The following ATRNL1 variants were observed in gnomAD, a reference collection of about 807,000 sequenced individuals.
ATRNL1 encodes attractin-like protein 1.
In ATRNL1, 95 loss-of-function variants were observed where a neutral mutation model predicts 182.7. The ratio of observed to expected loss-of-function variants is 0.52; its 90% CI spans 0.44 to 0.62. The LOEUF is 0.62. ATRNL1 is among the 20% of genes least tolerant of loss of function. The pLI, the probability that ATRNL1 is intolerant of heterozygous loss-of-function variation, is 0.00. For missense variants in ATRNL1, 1,471 were observed against 1,679.5 expected (o/e 0.88, Z 2.17); for synonymous variants, 576 against 568.3 (o/e 1.01, Z -0.19).
chr10:115,165,100 T>A (rs1846976773), intron 6 of ATRNL1, among the ~76,000 whole-genome samples: 1 of 151,588 alleles, frequency 6.6e-6, no homozygotes, highest in Non-Finnish European at 1.5e-5. Flanking sequence ...TATGTACAAC[T>A]TAAATATCAA....
chr10:115,122,494 TACTC>T (rs1554871985), intron 3 of ATRNL1, among the ~76,000 whole-genome samples: 1 of 151,994 alleles, frequency 6.6e-6, no homozygotes, highest in Non-Finnish European at 1.5e-5. Context: ...GTTGATAAGT[TACTC>T]ATTATATTAT....
intron 23 of ATRNL1, among the ~76,000 whole-genome samples, chr10:115,468,031 A>G (rs1335309270): frequency 6.6e-6 from 1 of 150,780 alleles, no homozygotes; most frequent in Non-Finnish European, 1.5e-5. Context: ...TATGTAGAAT[A>G]TTATGGATAC....
rs374199494 is a variant in ATRNL1 at position 115,473,171 on chromosome 10, A to G, written c.3654+3842A>G. 4.6e-5 allele frequency among the ~76,000 whole-genome samples: 7 copies of G among 151,392 alleles called. No homozygotes were observed. The East Asian group carries it at 1.4e-3, about 30-fold the overall frequency. ...TTGATTCATGTATGTTGAACCATCC[A>G]TGCATTCCTGGGATAAATCCCACTT... is the stretch of plus-strand genomic sequence containing the variant. On this transcript the variant is annotated intron_variant, in intron 24 of 28. Transcript: ENST00000355044.
chr10:115,863,235 C>T (rs1239778212), intron 28 of ATRNL1, among the ~76,000 whole-genome samples: 6 of 152,094 alleles, frequency 3.9e-5, no homozygotes, highest in South Asian at 2.1e-4. Flanking sequence ...AAATGAAATA[C>T]GAACTGTAAA....
chr10:115,137,851 C>G (rs1438536719), intron 5 of ATRNL1, among the ~76,000 whole-genome samples: 2 of 152,202 alleles, frequency 1.3e-5, no homozygotes, highest in Non-Finnish European at 2.9e-5. Context: ...GAAGTCATAA[C>G]TCATTTCAGC....
intron 1 of ATRNL1, among the ~76,000 whole-genome samples, chr10:115,107,068 C>T (rs1313516505): frequency 6.6e-6 from 1 of 152,158 alleles, no homozygotes; most frequent in Non-Finnish European, 1.5e-5. Flanking sequence ...CCTGAGGTAA[C>T]AGCGTTAATG....
In ATRNL1 at chr10:115,758,231, G is replaced by A. The variant is rs372580616; in HGVS notation, c.3903+30876G>A. Among the ~76,000 whole-genome samples the A allele has an allele frequency of 2.1e-4, 32 of 152,172 alleles. No individual in the cohort carries two copies. The South Asian group carries it at 6.4e-3, about 31-fold the overall frequency. Reference sequence around the variant, plus strand: ...GGCGAGAAGTTGTGATCCTTTGGAGGAGGAGAGGCCTTTTGGTTTTTGGAA... The same window carrying A: ...GGCGAGAAGTTGTGATCCTTTGGAGAAGGAGAGGCCTTTTGGTTTTTGGAA... On this transcript the variant is annotated intron_variant, in intron 27 of 28. Transcript: ENST00000355044.
At chr10:115,595,260 T>G (rs1474688117) in intron 26 of ATRNL1, among the ~76,000 whole-genome samples, 1 of 152,146 alleles carries the variant, frequency 6.6e-6, no homozygotes, top group African/African-American at 2.4e-5. Context: ...TTCCCTTTTT[T>G]CTTACTTCTT....
rs139906165 is a variant in ATRNL1 at position 115,357,017 on chromosome 10, T to C, written c.3175+22598T>C. Among the ~76,000 whole-genome samples the C allele has an allele frequency of 2.8e-3, 423 of 152,080 alleles. 1 individual carries two copies. The highest frequency in any genetic ancestry group is 9.8e-3 in the African/African-American group (408 of 41,544). Reference sequence around the variant, plus strand: ...TGTCTAAGGGTTCAATATTTCTCTTTAATTTTATTTGATGTGATGCTTAGC... The same window carrying C: ...TGTCTAAGGGTTCAATATTTCTCTTCAATTTTATTTGATGTGATGCTTAGC... On this transcript the variant is annotated intron_variant, in intron 19 of 28. Coordinates refer to ENST00000355044, the MANE Select transcript of ATRNL1 (RefSeq NM_207303.4).
intron 22 of ATRNL1, among the ~76,000 whole-genome samples, chr10:115,463,805 A>G (rs1290547351): frequency 1.3e-5 from 2 of 151,988 alleles, no homozygotes. Context: ...TCCAAGGTTC[A>G]TCCATGTTGT....
chr10:115,408,030 T>G (rs1554958752), intron 20 of ATRNL1, among the ~76,000 whole-genome samples: 1 of 137,228 alleles, frequency 7.3e-6, no homozygotes, highest in Non-Finnish European at 1.5e-5. Flanking sequence ...GGAGTCTCGC[T>G]CTGTCGCCCA....
intron 28 of ATRNL1, among the ~76,000 whole-genome samples, chr10:115,879,207 T>A (rs1951767471): frequency 6.7e-6 from 1 of 149,370 alleles, no homozygotes. Flanking sequence ...CTCAAGAGGC[T>A]GAAGTTAGAG....
At chr10:115,412,213 T>C (rs1191011230) in intron 20 of ATRNL1, among the ~76,000 whole-genome samples, 1 of 152,130 alleles carries the variant, frequency 6.6e-6, no homozygotes, top group Non-Finnish European at 1.5e-5. Context: ...CAGCTGAGGA[T>C]AGCCACCAGC....
At chr10:115,856,289 G>A (rs912280347) in intron 28 of ATRNL1, among the ~76,000 whole-genome samples, 2 of 151,664 alleles carry the variant, frequency 1.3e-5, no homozygotes, top group South Asian at 2.1e-4. Context: ...TTAGCCAGGC[G>A]TGGTGGCAGA....
At chr10:115,443,851 C>T (rs1435805662) in intron 21 of ATRNL1, among the ~76,000 whole-genome samples, 3 of 151,978 alleles carry the variant, frequency 2.0e-5, no homozygotes, top group Admixed American at 6.6e-5. Flanking sequence ...ATTGTTTTAA[C>T]GGAAGTCTGC....
chr10:115,765,979 C>G (rs2134156155), intron 27 of ATRNL1, among the ~76,000 whole-genome samples: 2 of 13,108 alleles, frequency 1.5e-4, no homozygotes, highest in South Asian at 4.7e-3. Flanking sequence ...ATCCTTTCCC[C>G]CCCCCGGCTC....
intron 19 of ATRNL1, among the ~76,000 whole-genome samples, chr10:115,367,214 A>T (rs1159134676): frequency 9.8e-6 from 1 of 101,992 alleles, no homozygotes. Context: ...GGCTTTGCTC[A>T]TTTCTTTTTA....
intron 28 of ATRNL1, among the ~76,000 whole-genome samples, chr10:115,923,636 T>G (rs1338364071): frequency 6.6e-6 from 1 of 152,218 alleles, no homozygotes; most frequent in African/African-American, 2.4e-5. Context: ...TACCACATTT[T>G]CTTTATCCGG....
intron 27 of ATRNL1, among the ~76,000 whole-genome samples, chr10:115,742,915 T>C (rs1212871938): frequency 6.6e-6 from 1 of 152,134 alleles, no homozygotes; most frequent in African/African-American, 2.4e-5. Flanking sequence ...AGAGGTTTAA[T>C]TGACTCACAG....
Sources: allele counts gnomAD v4.1 joint callset (sites outside exome capture counted in the v4.1 genomes callset), GRCh38; gene constraint gnomAD v4.1.1; transcripts MANE v1.5; gene names NCBI Gene and HGNC (gene_info 2026-07-23, HGNC 2026-07-21).